The following DYNLRB1 variants were observed in gnomAD, a reference collection of about 807,000 sequenced individuals.
DYNLRB1 encodes the protein dynein light chain roadblock-type 1.
In DYNLRB1, 6 loss-of-function variants were observed where a neutral mutation model predicts 13.5. The ratio of observed to expected loss-of-function variants is 0.44; its 90% confidence interval spans 0.24 to 0.88. The LOEUF is 0.88. DYNLRB1 is among the 40% of genes least tolerant of loss of function. The pLI is 0.21. For synonymous variants in DYNLRB1, 43 were observed against 45.0 expected (o/e 0.96, Z 0.18); for missense variants, 93 against 127.2 (o/e 0.73, Z 1.29).
intron 3 of DYNLRB1, among the ~76,000 whole-genome samples, chr20:34,536,687 G>T (rs1981167965): frequency 6.6e-6 from 1 of 151,120 alleles, no homozygotes; most frequent in South Asian, 2.1e-4. Flanking sequence ...GGAGCTTGCA[G>T]TGAGCTGAGA....
chr20:34,533,888 G>A (rs1980908572), intron 2 of DYNLRB1, among the ~76,000 whole-genome samples: 1 of 151,918 alleles, frequency 6.6e-6, no homozygotes, highest in African/African-American at 2.4e-5. Flanking sequence ...TGTAATCCCA[G>A]CACTTTGGGA....
upstream of DYNLRB1, among the ~76,000 whole-genome samples, chr20:34,515,642 C>CCA (rs10626123): frequency 0.82 from 125,056 of 151,922 alleles, 52,324 homozygotes; most frequent in African/African-American, 0.96. Flanking sequence ...CCCGGAGACT[C>CCA]GAGGTACCTG....
intron 2 of DYNLRB1, among the ~76,000 whole-genome samples, chr20:34,531,416 G>A (rs1006667956): frequency 3.9e-5 from 6 of 152,340 alleles, no homozygotes; most frequent in South Asian, 2.1e-4. Flanking sequence ...GTCTCCTCCA[G>A]CTCCAGCATC....
intron 2 of DYNLRB1, among the ~76,000 whole-genome samples, chr20:34,534,138 G>C (rs6141479): frequency 0.16 from 23,679 of 152,210 alleles, 2,471 homozygotes; most frequent in South Asian, 0.25. Context: ...TCAAAAAAAA[G>C]AAATTTGTAA....
upstream of DYNLRB1, chr20:34,516,325 C>T: frequency 7.2e-7 from 1 of 1,390,046 alleles, no homozygotes; most frequent in South Asian, 1.5e-5. Context: ...AAGATCGGCT[C>T]GCCCGCCCCC....
chr20:34,526,138 A>G, intron 1 of DYNLRB1, 130 bp from the exon 2 acceptor site: 1 of 946,424 alleles, frequency 1.1e-6, no homozygotes, highest in Non-Finnish European at 1.6e-6. Context: ...GGGAACTTTG[A>G]GGGTGTGCCA....
At chr20:34,534,266 G>A (rs541350502) in intron 2 of DYNLRB1, among the ~76,000 whole-genome samples, 1 of 152,302 alleles carries the variant, frequency 6.6e-6, no homozygotes, top group Non-Finnish European at 1.5e-5. Context: ...ATGAATCAGA[G>A]CTAGTCTCTC....
chr20:34,516,706 CA>C (rs1979230072), intron 1 of DYNLRB1: 1 of 1,525,974 alleles, frequency 6.6e-7, no homozygotes. Flanking sequence ...CAGCCTCGGC[CA>C]GGAAGAGATG....
At chr20:34,535,753 T>C (rs1981094447) in intron 3 of DYNLRB1, 2 of 985,242 alleles carry the variant, frequency 2.0e-6, no homozygotes, top group Non-Finnish European at 2.4e-6. Flanking sequence ...GGTGAGGCTT[T>C]GGTCCAGTTT....
intron 1 of DYNLRB1, among the ~76,000 whole-genome samples, chr20:34,521,764 T>C (rs1029354344): frequency 6.6e-6 from 1 of 152,178 alleles, no homozygotes; most frequent in Non-Finnish European, 1.5e-5. Context: ...GACATACTTA[T>C]GGCCGAGAAT....
chr20:34,520,045 C>T (rs1056992357), intron 1 of DYNLRB1, among the ~76,000 whole-genome samples: 18 of 152,148 alleles, frequency 1.2e-4, no homozygotes, highest in African/African-American at 4.1e-4. Context: ...ACTAGAATCG[C>T]TTGAACCCGG....
At chr20:34,530,288 C>G (rs752740755) in intron 2 of DYNLRB1, 2 of 1,010,642 alleles carry the variant, frequency 2.0e-6, no homozygotes, top group Middle Eastern at 4.8e-4. Context: ...TAGCTGAGAA[C>G]GTGGAATGCA....
intron 1 of DYNLRB1, among the ~76,000 whole-genome samples, chr20:34,519,481 C>A (rs1979537815): frequency 6.6e-6 from 1 of 152,122 alleles, no homozygotes; most frequent in Non-Finnish European, 1.5e-5. Context: ...GTGACTGCAC[C>A]ACTGCACTCC....
chr20:34,530,186 G>C, intron 2 of DYNLRB1: 5 of 1,163,874 alleles, frequency 4.3e-6, no homozygotes, highest in Non-Finnish European at 5.3e-6. Flanking sequence ...TGCCCCTAAA[G>C]CCAAGCCTTT....
At chr20:34,526,842 T>C (rs1004203103) in intron 2 of DYNLRB1, among the ~76,000 whole-genome samples, 3 of 152,236 alleles carry the variant, frequency 2.0e-5, no homozygotes, top group African/African-American at 7.2e-5. Flanking sequence ...TTGTTTCTAC[T>C]TTTTAGTAAA....
At chr20:34,538,987 G>A (rs577622603) in intron 3 of DYNLRB1, among the ~76,000 whole-genome samples, 37 of 152,340 alleles carry the variant, frequency 2.4e-4, no homozygotes, top group African/African-American at 7.9e-4. Context: ...CTGAGGTGCC[G>A]TGTGAGAAGT....
At chr20:34,518,205 CTA>C (rs896565518) in intron 1 of DYNLRB1, among the ~76,000 whole-genome samples, 1 of 151,752 alleles carries the variant, frequency 6.6e-6, no homozygotes, top group African/African-American at 2.4e-5. Context: ...TCTGGGTCCT[CTA>C]TTCTATTCCA....
chr20:34,528,365 A>G (rs1286389792), intron 2 of DYNLRB1, among the ~76,000 whole-genome samples: 1 of 150,024 alleles, frequency 6.7e-6, no homozygotes, highest in East Asian at 1.9e-4. Context: ...GGAGTTTACA[A>G]AAATAACATA....
At chr20:34,535,361 A>G in intron 3 of DYNLRB1, 1 of 985,262 alleles carries the variant, frequency 1.0e-6, no homozygotes, top group Non-Finnish European at 1.2e-6. Context: ...GCCGCACGGG[A>G]GCAGATTGCT....
Sources: allele counts gnomAD v4.1 joint callset (sites outside exome capture counted in the v4.1 genomes callset), GRCh38; gene constraint gnomAD v4.1.1; transcripts MANE v1.5; gene names NCBI Gene and HGNC (gene_info 2026-07-23, HGNC 2026-07-21).